FSIP1: variants seen among roughly 807,000 people sequenced by gnomAD.
FSIP1 encodes fibrous sheath interacting protein 1, also known as fibrous sheath-interacting protein 1.
In FSIP1, 65 loss-of-function variants were observed where a neutral mutation model predicts 60.9. That is an observed-to-expected ratio of 1.07 (90% CI 0.87 to 1.31). The LOEUF (loss-of-function observed/expected upper bound fraction) is 1.31, where lower values mean the gene tolerates loss of function less well. Ranked by LOEUF, FSIP1 falls within the 40% of genes most tolerant of loss-of-function variation. FSIP1 has a pLI of 0.00. For missense variants in FSIP1, 675 were observed against 665.5 expected (o/e 1.01, Z -0.16); for synonymous variants, 209 against 221.2 (o/e 0.94, Z 0.49).
At chr15:39,609,462 C>A (rs1890945838) in intron 11 of FSIP1, among the ~76,000 whole-genome samples, 1 of 151,684 alleles carries the variant, frequency 6.6e-6, no homozygotes, top group African/African-American at 2.4e-5. Flanking sequence ...TTAAGGCTTG[C>A]CAGGCTAGGA....
chr15:39,635,491 A>C (rs1892094605), intron 10 of FSIP1, among the ~76,000 whole-genome samples: 1 of 152,140 alleles, frequency 6.6e-6, no homozygotes, highest in South Asian at 2.1e-4. Flanking sequence ...CACTCTTTCA[A>C]AGGGCCGGAT....
intron 10 of FSIP1, among the ~76,000 whole-genome samples, chr15:39,641,770 T>C (rs975113752): frequency 3.3e-5 from 5 of 152,192 alleles, no homozygotes; most frequent in Non-Finnish European, 4.4e-5. Context: ...CGCGCAAGAC[T>C]ATAACGTAAG....
intron 1 of FSIP1, among the ~76,000 whole-genome samples, chr15:39,780,863 C>G (rs1375203790): frequency 6.6e-6 from 1 of 152,214 alleles, no homozygotes; most frequent in Non-Finnish European, 1.5e-5. Flanking sequence ...GCTGGGATTA[C>G]AGGGGTGAGC....
At chr15:39,667,783 A>G (rs1344147761) in intron 10 of FSIP1, among the ~76,000 whole-genome samples, 3 of 152,218 alleles carry the variant, frequency 2.0e-5, no homozygotes, top group African/African-American at 7.2e-5. Context: ...GGGAAAGGAC[A>G]TTCCAAAATT....
At chr15:39,758,498 A>G (rs980814417) in intron 5 of FSIP1, among the ~76,000 whole-genome samples, 4 of 151,420 alleles carry the variant, frequency 2.6e-5, no homozygotes, top group Admixed American at 6.6e-5. Flanking sequence ...GACACTGTCC[A>G]TGGATTTTTT....
chr15:39,620,414 T>C (rs1487837707), intron 10 of FSIP1, among the ~76,000 whole-genome samples: 1 of 151,942 alleles, frequency 6.6e-6, no homozygotes, highest in Non-Finnish European at 1.5e-5. Flanking sequence ...ATAAATAATA[T>C]AGAGGTAAAA....
intron 10 of FSIP1, among the ~76,000 whole-genome samples, chr15:39,645,947 G>A (rs1457170587): frequency 2.0e-5 from 3 of 152,334 alleles, no homozygotes; most frequent in African/African-American, 7.2e-5. Flanking sequence ...GAACACTGGG[G>A]GCCGGGCTGC....
chr15:39,645,582 G>T (rs1331783094), intron 10 of FSIP1, among the ~76,000 whole-genome samples: 1 of 151,436 alleles, frequency 6.6e-6, no homozygotes, highest in Non-Finnish European at 1.5e-5. Flanking sequence ...TGCAGATCTG[G>T]AACTCCCAGT....
At chr15:39,621,056 TAAAAAAA>T (rs369925726) in intron 10 of FSIP1, among the ~76,000 whole-genome samples, 1 of 134,802 alleles carries the variant, frequency 7.4e-6, no homozygotes, top group East Asian at 2.1e-4. Context: ...GGGCATTTCT[TAAAAAAA>T]AAAAAAAAAA....
intron 5 of FSIP1, among the ~76,000 whole-genome samples, chr15:39,759,117 G>T (rs1177098836): frequency 6.6e-6 from 1 of 151,344 alleles, no homozygotes; most frequent in African/African-American, 2.4e-5. Flanking sequence ...AGACATAAAA[G>T]GCCTTTTAAA....
intron 10 of FSIP1, among the ~76,000 whole-genome samples, chr15:39,681,430 T>A (rs1894157169): frequency 6.6e-6 from 1 of 152,206 alleles, no homozygotes; most frequent in Non-Finnish European, 1.5e-5. Context: ...AAAGATTTTT[T>A]AAAACATGTC....
chr15:39,632,957 C>T (rs746059177), intron 10 of FSIP1, among the ~76,000 whole-genome samples: 17 of 151,940 alleles, frequency 1.1e-4, no homozygotes, highest in South Asian at 4.2e-4. Context: ...GGTGATAGGT[C>T]GAAATACAAG....
At chr15:39,635,612 A>T (rs1229311879) in intron 10 of FSIP1, among the ~76,000 whole-genome samples, 2 of 152,178 alleles carry the variant, frequency 1.3e-5, no homozygotes, top group Non-Finnish European at 2.9e-5. Context: ...AGCTTAAATC[A>T]AGCCTCCATT....
intron 10 of FSIP1, among the ~76,000 whole-genome samples, chr15:39,663,641 C>T (rs1195370787): frequency 6.6e-6 from 1 of 152,022 alleles, no homozygotes; most frequent in East Asian, 1.9e-4. Flanking sequence ...AAACCATTTT[C>T]ATTGAAGGTA....
chr15:39,700,696 C>T (rs1407308151), intron 10 of FSIP1, among the ~76,000 whole-genome samples: 2 of 152,208 alleles, frequency 1.3e-5, no homozygotes, highest in Admixed American at 6.5e-5. Flanking sequence ...CTATACAAGG[C>T]TTTCACTACT....
chr15:39,722,291 C>T (rs1382670614), intron 9 of FSIP1, among the ~76,000 whole-genome samples: 1 of 151,856 alleles, frequency 6.6e-6, no homozygotes, highest in Non-Finnish European at 1.5e-5. Context: ...GCTCAGAGCT[C>T]CCACTGAGTC....
Position 39,709,671 on chromosome 15 carries a change from G to A in FSIP1, c.1188+3773C>T, listed in dbSNP as rs913947502. Among the ~76,000 whole-genome samples, 18 of 151,796 alleles carry A rather than the reference G, an allele frequency of 1.2e-4. 1 individual carries two copies. Among genetic ancestry groups the A allele is most frequent in the Admixed American group, 1.0e-3 (16 of 15,280 alleles). Reference sequence around the variant, plus strand: ...TTAGGCAATAGGGGGAGGGGTGGGGGAGGGGTATGGTTTTTGGATGAAACT... The same window carrying A: ...TTAGGCAATAGGGGGAGGGGTGGGGAAGGGGTATGGTTTTTGGATGAAACT... On this transcript the variant is annotated intron_variant, in intron 10 of 11. Transcript: ENST00000350221.
At chr15:39,751,415 AT>A (rs1342201991) in intron 5 of FSIP1, among the ~76,000 whole-genome samples, 5 of 78,798 alleles carry the variant, frequency 6.3e-5, no homozygotes, top group African/African-American at 2.6e-4. Context: ...ACTGTAATAC[AT>A]AAACACACAC....
intron 11 of FSIP1, among the ~76,000 whole-genome samples, chr15:39,601,772 A>G (rs1023090375): frequency 1.3e-5 from 2 of 152,344 alleles, no homozygotes; most frequent in Non-Finnish European, 2.9e-5. Context: ...TCTTGAAGAC[A>G]TAATGTAAGA....
Sources: allele counts gnomAD v4.1 joint callset (sites outside exome capture counted in the v4.1 genomes callset), GRCh38; gene constraint gnomAD v4.1.1; transcripts MANE v1.5; gene names NCBI Gene and HGNC (gene_info 2026-07-23, HGNC 2026-07-21).